CLEC9A: variants seen among roughly 807,000 people sequenced by gnomAD.
CLEC9A encodes C-type lectin domain family 9 member A.
CLEC9A carries 24 observed loss-of-function variants against 30.0 expected under a neutral mutation model. The ratio of observed to expected loss-of-function variants is 0.80; its 90% confidence interval spans 0.58 to 1.13. The LOEUF is 1.13. Among genes scored for constraint, CLEC9A ranks in the 50% most tolerant of loss-of-function variants. CLEC9A has a pLI of 0.00. For synonymous variants in CLEC9A, 111 were observed against 96.8 expected, an observed-to-expected ratio of 1.15 and a Z score of -0.86; for missense variants, 251 against 280.9, an observed-to-expected ratio of 0.89 and a Z score of 0.76.
chr12:10,034,459 TGATGTAAAATTATGTTGATCTTTGCTTTC>T (rs1404195761), intron 1 of CLEC9A, among the ~76,000 whole-genome samples: 1 of 152,238 alleles, frequency 6.6e-6, no homozygotes, highest in African/African-American at 2.4e-5. Context: ...GCACTTTTCA[TGATGTAAAATTATGTTGATCTTTGCTTTC>T]GATGTAAAAT....
chr12:10,050,304 G>T (rs146062061), intron 2 of CLEC9A, among the ~76,000 whole-genome samples: 19 of 152,284 alleles, frequency 1.2e-4, no homozygotes, highest in African/African-American at 4.6e-4. Context: ...TGACACAGAG[G>T]CATAAAGTAA....
intron 1 of CLEC9A, among the ~76,000 whole-genome samples, chr12:10,033,437 A>G (rs1437774164): frequency 6.6e-6 from 1 of 152,184 alleles, no homozygotes; most frequent in Non-Finnish European, 1.5e-5. Context: ...AGAACCACAT[A>G]TCTGACTGGA....
intron 6 of CLEC9A, among the ~76,000 whole-genome samples, chr12:10,062,429 A>G (rs1866005918): frequency 6.6e-6 from 1 of 152,164 alleles, no homozygotes; most frequent in African/African-American, 2.4e-5. Context: ...TTCCATCTTA[A>G]AACAGGTTCC....
intron 6 of CLEC9A, among the ~76,000 whole-genome samples, chr12:10,062,781 A>G (rs927340365): frequency 5.3e-5 from 8 of 152,230 alleles, no homozygotes; most frequent in Admixed American, 2.0e-4. Flanking sequence ...TAAAACTGGA[A>G]TAATCAGATT....
chr12:10,064,919 A>G (rs1866030292), intron 8 of CLEC9A, 66 bp downstream of exon 8: 1 of 1,532,304 alleles, frequency 6.5e-7, no homozygotes, highest in Admixed American at 2.1e-5. Flanking sequence ...AGTTTATTTC[A>G]CCTTGTACCA....
intron 5 of CLEC9A, among the ~76,000 whole-genome samples, chr12:10,056,876 A>G (rs12308159): frequency 0.042 from 6,398 of 152,258 alleles, 199 homozygotes; most frequent in Non-Finnish European, 0.066. Context: ...TCTTACAAAT[A>G]AAAGTTTTTG....
chr12:10,038,625 A>T (rs1175463409), intron 1 of CLEC9A, among the ~76,000 whole-genome samples: 1 of 152,244 alleles, frequency 6.6e-6, no homozygotes, highest in Non-Finnish European at 1.5e-5. Flanking sequence ...AAATACTTCC[A>T]TAAAGCTATA....
At position 10,052,736 on chromosome 12, in the gene CLEC9A, C is replaced by A. The variant is rs775306651; in HGVS notation, c.49C>A (p.Pro17Thr). Residue 17 changes from proline (P) to threonine (T), a missense_variant, in exon 4 of 9, where the codon CCA becomes ACA. By Grantham distance (38) the Pro-to-Thr change is conservative. Coordinates refer to ENST00000355819, the MANE Select transcript of CLEC9A (RefSeq NM_207345.4). ...CTCTCTTCAGTGGGATAGCCCAGCACCAGACACTTACCAGAAATGTCTGTC... is the reference window on the plus strand; with the variant it reads ...CTCTCTTCAGTGGGATAGCCCAGCAACAGACACTTACCAGAAATGTCTGTC... Reference protein sequence around the residue: ...YTSLQWDSPAPDTYQKCLSSN... With the variant: ...YTSLQWDSPATDTYQKCLSSN... The A allele has an allele frequency of 6.2e-7, 1 of 1,613,974 alleles. No homozygotes were observed. The highest frequency in any genetic ancestry group is 8.5e-7 in the Non-Finnish European group (1 of 1,179,914).
At chr12:10,044,157 A>G (rs1313620360) in intron 2 of CLEC9A, among the ~76,000 whole-genome samples, 2 of 152,166 alleles carry the variant, frequency 1.3e-5, no homozygotes, top group Non-Finnish European at 2.9e-5. Flanking sequence ...GTGAAGCTCT[A>G]TCCTTCTACA....
chr12:10,062,951 A>G (rs1453097995), intron 6 of CLEC9A, 104 bp from the exon 7 acceptor site: 11 of 911,146 alleles, frequency 1.2e-5, no homozygotes, highest in East Asian at 2.8e-5. Context: ...CCATTACGTT[A>G]TGAGATTCAG....
At position 10,064,486 on chromosome 12, in the gene CLEC9A, T is replaced by A. The variant is rs1866025367; in HGVS notation, c.472-246T>A. On this transcript the variant is annotated intron_variant, in intron 7 of 8. Transcript: ENST00000355819. The stretch of plus-strand genomic sequence containing the variant: ...CGTATACTACCTGCCAGGCTCTGAA[T>A]CTGTTGAAACTTTTAAAATCCCAGT... Among the ~76,000 whole-genome samples the A allele has an allele frequency of 1.3e-5, 2 of 152,232 alleles. 1 individual carries two copies. The highest frequency in any genetic ancestry group is 4.1e-4 in the South Asian group (2 of 4,834).
chr12:10,049,771 C>T (rs775472289), intron 2 of CLEC9A, among the ~76,000 whole-genome samples: 1 of 152,202 alleles, frequency 6.6e-6, no homozygotes, highest in Non-Finnish European at 1.5e-5. Context: ...GACCACTAAG[C>T]TTTCTCCATA....
chr12:10,040,449 G>C (rs1232756407), intron 1 of CLEC9A, among the ~76,000 whole-genome samples: 1 of 147,996 alleles, frequency 6.8e-6, no homozygotes, highest in Non-Finnish European at 1.5e-5. Context: ...TCATACATTG[G>C]CAATTTTTTT....
At chr12:10,058,874 T>A (rs372932348) in intron 5 of CLEC9A, among the ~76,000 whole-genome samples, 1 of 152,208 alleles carries the variant, frequency 6.6e-6, no homozygotes, top group African/African-American at 2.4e-5. Flanking sequence ...TTCTGTGTGA[T>A]CGTGGTTACC....
chr12:10,054,404 CATAATT>C (rs1865922217), intron 5 of CLEC9A, 53 bp downstream of exon 5: 2 of 1,151,350 alleles, frequency 1.7e-6, no homozygotes, highest in Non-Finnish European at 1.3e-6. Flanking sequence ...TATAAAACTT[CATAATT>C]TATAAATGGA....
Position 10,063,182 on chromosome 12 carries a change from A to G in CLEC9A, c.447A>G (p.Leu149=). 1 of 1,605,500 alleles carries G rather than the reference A, an allele frequency of 6.2e-7. No homozygotes were observed. ...ENCLKEGSTL[L]QIESKEEMDF... is the part of the protein sequence containing the mutation. ...GTTTAAAGGAAGGTTCCACGCTGCT[A>G]CAAATAGAGAGCAAAGAAGAAATGG... Residue 149 remains leucine, a synonymous_variant, in exon 7 of 9, where the codon CTA becomes CTG. Transcript: ENST00000355819.
chr12:10,046,550 C>T (rs76344951), intron 2 of CLEC9A, among the ~76,000 whole-genome samples: 21 of 152,170 alleles, frequency 1.4e-4, no homozygotes, highest in African/African-American at 7.2e-5. Context: ...AATAACTCAG[C>T]AAGTATTTAT....
chr12:10,065,821 C>A lies in CLEC9A; in HGVS notation c.*189C>A, dbSNP rs1866041241. On this transcript the variant is annotated 3_prime_UTR_variant, in exon 9 of 9. Coordinates refer to ENST00000355819, the MANE Select transcript of CLEC9A (RefSeq NM_207345.4). ...CGTCCAGATTTCATTTGATGTTGTT[C>A]ACATTGCAAGAGTAAAACTTATTTA... is the stretch of plus-strand genomic sequence containing the variant. The A allele has an allele frequency of 5.4e-6, 3 of 556,000 alleles. No homozygotes were observed. Among genetic ancestry groups the A allele is most frequent in the East Asian group, 6.3e-5 (2 of 31,512 alleles). 34.4% of individuals were successfully genotyped at this position (556,000 alleles called of 1,614,324 possible). A position where few individuals can be genotyped will look rare whatever the true frequency, so the allele number is the denominator to read the frequency against.
intron 1 of CLEC9A, among the ~76,000 whole-genome samples, chr12:10,034,414 G>C (rs1204168716): frequency 2.6e-5 from 4 of 152,196 alleles, no homozygotes; most frequent in Non-Finnish European, 2.9e-5. Context: ...AGCCTGTCTG[G>C]AAGAACTCAA....
Sources: gnomAD v4.1 joint callset for allele counts (sites outside exome capture counted in the v4.1 genomes callset) on GRCh38, gnomAD v4.1.1 for gene constraint, MANE v1.5 for transcripts, NCBI Gene and HGNC (gene_info 2026-07-23, HGNC 2026-07-21) for gene names.